ERC1: variants seen among roughly 807,000 people sequenced by gnomAD.
ERC1 encodes the protein RAB6 interacting protein 2.
ERC1 carries 56 observed loss-of-function variants against 132.0 expected under a neutral mutation model. The observed-to-expected ratio is 0.42, with a 90% CI of 0.34 to 0.53. The LOEUF is 0.53. ERC1 is among the 20% of genes least tolerant of loss of function. The pLI is 0.03. For missense variants in ERC1, 1,202 were observed against 1,349.9 expected, an observed-to-expected ratio of 0.89 and a Z score of 1.72; for synonymous variants, 478 against 476.1, an observed-to-expected ratio of 1.00 and a Z score of -0.05.
intron 12 of ERC1, among the ~76,000 whole-genome samples, chr12:1,205,525 A>G (rs1157329972): frequency 1.3e-5 from 2 of 151,904 alleles, no homozygotes; most frequent in Non-Finnish European, 2.9e-5. Context: ...GCCCGCCAAA[A>G]AAGAAAATAA....
chr12:1,127,581 T>C (rs1948338183), intron 7 of ERC1, among the ~76,000 whole-genome samples: 1 of 152,066 alleles, frequency 6.6e-6, no homozygotes, highest in East Asian at 1.9e-4. Context: ...CGGCTCACTT[T>C]ACAGTACTTG....
intron 15 of ERC1, among the ~76,000 whole-genome samples, chr12:1,335,488 C>T (rs1320933563): frequency 1.3e-5 from 2 of 152,130 alleles, no homozygotes; most frequent in Admixed American, 6.5e-5. Flanking sequence ...TGTGATAATC[C>T]TGTAGTTTTT....
chr12:1,325,518 A>G (rs1447190407), intron 15 of ERC1, among the ~76,000 whole-genome samples: 1 of 152,194 alleles, frequency 6.6e-6, no homozygotes, highest in Non-Finnish European at 1.5e-5. Context: ...TGGTAAACAT[A>G]TGAATGAGGC....
At position 1,100,426 on chromosome 12, in the gene ERC1, T is replaced by C. The variant is rs911830378; in HGVS notation, c.1087-4324T>C. 7.9e-5 allele frequency among the ~76,000 whole-genome samples: 12 copies of C among 152,300 alleles called. No individual in the cohort carries two copies. The East Asian group carries it at 2.1e-3, about 27-fold the overall frequency. On this transcript the variant is annotated intron_variant, in intron 3 of 18. Coordinates refer to ENST00000360905, the MANE Select transcript of ERC1 (RefSeq NM_178040.4). Reference sequence around the variant, plus strand: ...GAAGCTTTTGATAATTGCAAGCATATTTTGACTTCTGCTTTAAAAAGATCA... The same window carrying C: ...GAAGCTTTTGATAATTGCAAGCATACTTTGACTTCTGCTTTAAAAAGATCA...
rs760773679 is a variant in ERC1, at chr12:1,116,043, A to G, written c.1569+10A>G. 8 of 1,601,038 alleles carry G rather than the reference A, an allele frequency of 5.0e-6. No individual in the cohort carries two copies. Among genetic ancestry groups the G allele is most frequent in the African/African-American group, 1.3e-5 (1 of 74,556 alleles). On this transcript the variant is annotated intron_variant, in intron 7 of 18. Coordinates refer to ENST00000360905, the MANE Select transcript of ERC1 (RefSeq NM_178040.4). ...CATCCTGCAGACTGAGGTAGAAACA[A>G]TTCTGGGATTTGTGGGGAGTTGGTT...
chr12:1,040,452 A>G (rs1286860765), intron 2 of ERC1, among the ~76,000 whole-genome samples: 1 of 150,770 alleles, frequency 6.6e-6, no homozygotes, highest in Non-Finnish European at 1.5e-5. Context: ...GACTACAGGC[A>G]CCCACCACCA....
At chr12:1,104,593 G>A (rs1451221047) in intron 3 of ERC1, among the ~76,000 whole-genome samples, 157 bp from the exon 4 acceptor site, 1 of 152,118 alleles carries the variant, frequency 6.6e-6, no homozygotes, top group African/African-American at 2.4e-5. Context: ...TGCAGTCTGT[G>A]GATTCCCTGA....
intron 8 of ERC1, among the ~76,000 whole-genome samples, chr12:1,145,616 C>T (rs893958321): frequency 3.3e-5 from 5 of 152,042 alleles, no homozygotes; most frequent in African/African-American, 9.7e-5. Flanking sequence ...GTTGCATTTG[C>T]TTTTGGGTTC....
At chr12:1,080,375 G>A (rs1195049319) in intron 2 of ERC1, among the ~76,000 whole-genome samples, 1 of 152,146 alleles carries the variant, frequency 6.6e-6, no homozygotes, top group Non-Finnish European at 1.5e-5. Context: ...GATACATATA[G>A]TGTTTGTCTT....
chr12:1,227,731 C>G (rs2074703421), intron 12 of ERC1, among the ~76,000 whole-genome samples: 1 of 152,054 alleles, frequency 6.6e-6, no homozygotes, highest in Non-Finnish European at 1.5e-5. Flanking sequence ...TTGTGCAGAC[C>G]CACATCAGGA....
intron 17 of ERC1, among the ~76,000 whole-genome samples, chr12:1,415,110 T>C (rs1320191861): frequency 1.3e-5 from 2 of 152,124 alleles, no homozygotes; most frequent in African/African-American, 4.8e-5. Flanking sequence ...TATAATGGAG[T>C]TGAATGTAAT....
At chr12:1,215,032 A>T (rs542955444) in intron 12 of ERC1, among the ~76,000 whole-genome samples, 1 of 152,324 alleles carries the variant, frequency 6.6e-6, no homozygotes, top group East Asian at 1.9e-4. Flanking sequence ...GAGATTTACA[A>T]GTTACCATGT....
At chr12:1,168,330 C>A (rs1952655769) in intron 8 of ERC1, among the ~76,000 whole-genome samples, 1 of 151,898 alleles carries the variant, frequency 6.6e-6, no homozygotes, top group Non-Finnish European at 1.5e-5. Flanking sequence ...CGCCATGTTG[C>A]TTAGGCTAGT....
At chr12:1,443,502 T>C (rs7969825) in intron 17 of ERC1, 15,050 of 152,086 alleles carry the variant, frequency 0.099, 1,120 homozygotes, top group African/African-American at 0.21. Context: ...TTCATGAAAA[T>C]TGCCAGGCCG....
intron 13 of ERC1, among the ~76,000 whole-genome samples, chr12:1,238,283 G>A (rs776045933): frequency 6.7e-5 from 10 of 149,998 alleles, no homozygotes; most frequent in Admixed American, 5.3e-4. Context: ...TCTTTTGCTT[G>A]TTAATGTAAT....
chr12:1,300,456 A>G (rs921150639), intron 15 of ERC1, among the ~76,000 whole-genome samples: 3 of 152,176 alleles, frequency 2.0e-5, no homozygotes, highest in African/African-American at 7.2e-5. Context: ...ACAATGACAA[A>G]TGGGATCTAA....
intron 13 of ERC1, among the ~76,000 whole-genome samples, chr12:1,238,093 C>T (rs1008488194): frequency 6.6e-6 from 1 of 151,738 alleles, no homozygotes; most frequent in Non-Finnish European, 1.5e-5. Context: ...AAGCAGCATG[C>T]CCGTTTTTCC....
At chr12:1,202,477 C>T (rs1304737142) in intron 12 of ERC1, among the ~76,000 whole-genome samples, 2 of 151,868 alleles carry the variant, frequency 1.3e-5, no homozygotes, top group African/African-American at 2.4e-5. Flanking sequence ...AGGCAAGTGG[C>T]GAAACCTCGT....
intron 2 of ERC1, among the ~76,000 whole-genome samples, chr12:1,048,341 G>A: frequency 6.6e-6 from 1 of 152,232 alleles, no homozygotes. Flanking sequence ...TGCAGGTTGA[G>A]ATGGCATGTT....
Sources: gnomAD v4.1 joint callset for allele counts (sites outside exome capture counted in the v4.1 genomes callset) on GRCh38, gnomAD v4.1.1 for gene constraint, MANE v1.5 for transcripts, NCBI Gene and HGNC (gene_info 2026-07-23, HGNC 2026-07-21) for gene names.